The following PDE1C variants were observed in gnomAD, a reference collection of about 807,000 sequenced individuals.
PDE1C encodes the protein phosphodiesterase 1C, also known as dual specificity calcium/calmodulin-dependent 3',5'-cyclic nucleotide phosphodiesterase 1C.
Under a neutral mutation model 93.1 loss-of-function variants are expected in PDE1C, and 62 were observed. The ratio of observed to expected loss-of-function variants is 0.67; its 90% CI spans 0.54 to 0.82. The LOEUF (loss-of-function observed/expected upper bound fraction) is 0.82, where lower values mean the gene tolerates loss of function less well. PDE1C is among the 40% of genes least tolerant of loss of function. The pLI is 0.00. For missense variants in PDE1C, 742 were observed against 884.6 expected, an observed-to-expected ratio of 0.84 and a Z score of 2.04; for synonymous variants, 325 against 310.1, an observed-to-expected ratio of 1.05 and a Z score of -0.50.
Position 32,128,481 on chromosome 7 carries a change from A to AAT in PDE1C, c.308+41302_308+41303dup, listed in dbSNP as rs1208649414. 2.6e-5 allele frequency among the ~76,000 whole-genome samples: 4 copies of AAT among 151,960 alleles called. No individual in the cohort carries two copies. The East Asian group carries it at 7.7e-4, about 29-fold the overall frequency. Reference sequence around the variant, plus strand: ...ATAATTCTTACACTTCAATAAGACAAATATATATTGTTAAGAAACACATAT... The same window carrying AAT: ...ATAATTCTTACACTTCAATAAGACAAATATATATATTGTTAAGAAACACATAT... On this transcript the variant is annotated intron_variant, in intron 3 of 18. Coordinates refer to the PDE1C transcript ENST00000396193.
chr7:32,155,199 T>C (rs1051913463), intron 3 of PDE1C, among the ~76,000 whole-genome samples: 1 of 152,236 alleles, frequency 6.6e-6, no homozygotes, highest in Non-Finnish European at 1.5e-5. Flanking sequence ...AGTGGTTAAC[T>C]GTGGGTTCTG....
intron 1 of PDE1C, among the ~76,000 whole-genome samples, chr7:32,262,276 T>G (rs1810265009): frequency 6.6e-6 from 1 of 152,164 alleles, no homozygotes; most frequent in African/African-American, 2.4e-5. Context: ...GGTAGCTAAG[T>G]CTGTGGCCCC....
intron 9 of PDE1C, among the ~76,000 whole-genome samples, chr7:31,843,982 T>C (rs951533715): frequency 6.6e-6 from 1 of 151,768 alleles, no homozygotes; most frequent in African/African-American, 2.4e-5. Context: ...CATTTAAAAA[T>C]CCTGCAACAG....
chr7:31,669,605 A>C, the PDE1C span, among the ~76,000 whole-genome samples: 11 of 152,216 alleles, frequency 7.2e-5, no homozygotes, highest in Non-Finnish European at 1.5e-4. Flanking sequence ...AACTACATTC[A>C]TCAGTTCTAA....
At chr7:31,697,030 A>G in the PDE1C span, 1 of 1,614,198 alleles carries the variant, frequency 6.2e-7, no homozygotes. Context: ...GGGCAAAATG[A>G]TCCCTGTTCT....
chr7:31,860,375 T>C lies in PDE1C; in HGVS notation c.750+4567A>G, dbSNP rs540547669. ...GCCCCAAACGTCAATAGTGCTGAGG[T>C]TGAGAAACCCTGCTCTACATCCTAA... On this transcript the variant is annotated intron_variant, in intron 7 of 17. Coordinates refer to ENST00000396191, the MANE Select transcript of PDE1C (RefSeq NM_001191057.4). 5.8e-4 allele frequency among the ~76,000 whole-genome samples: 89 copies of C among 152,250 alleles called. 3 individuals are homozygous for C. Among genetic ancestry groups the C allele is most frequent in the African/African-American group, 2.1e-3 (86 of 41,552 alleles).
intron 1 of PDE1C, among the ~76,000 whole-genome samples, chr7:32,280,637 G>T (rs1458659814): frequency 6.6e-6 from 1 of 152,156 alleles, no homozygotes; most frequent in East Asian, 1.9e-4. Context: ...TTATGCTCTT[G>T]ACTACAGCCC....
the PDE1C span, among the ~76,000 whole-genome samples, chr7:31,625,361 T>C: frequency 6.6e-6 from 1 of 151,844 alleles, no homozygotes; most frequent in Non-Finnish European, 1.5e-5. Context: ...AGCAAAGACT[T>C]GGAACCAACC....
chr7:31,854,895 C>T (rs1236058627), intron 7 of PDE1C, among the ~76,000 whole-genome samples: 1 of 151,872 alleles, frequency 6.6e-6, no homozygotes, highest in Admixed American at 6.6e-5. Context: ...TGTGAAACCC[C>T]ATCTCTACTG....
At chr7:31,632,119 A>T in the PDE1C span, among the ~76,000 whole-genome samples, 8 of 152,210 alleles carry the variant, frequency 5.3e-5, no homozygotes, top group Non-Finnish European at 7.3e-5. Context: ...AATGCCATAG[A>T]CAACACAGAT....
chr7:31,755,077 C>T (rs566757721), intron 17 of PDE1C, among the ~76,000 whole-genome samples: 50 of 152,158 alleles, frequency 3.3e-4, no homozygotes, highest in Non-Finnish European at 6.0e-4. Flanking sequence ...TACACAAGCA[C>T]TCTATTCTAG....
At chr7:31,892,901 G>C (rs1798818323) in intron 2 of PDE1C, among the ~76,000 whole-genome samples, 1 of 152,092 alleles carries the variant, frequency 6.6e-6, no homozygotes, top group African/African-American at 2.4e-5. Context: ...ATTGCTAAAA[G>C]GGTAGATTTT....
chr7:32,387,265 T>C (rs1334994594), intron 1 of PDE1C, among the ~76,000 whole-genome samples: 3 of 152,134 alleles, frequency 2.0e-5, no homozygotes, highest in Non-Finnish European at 2.9e-5. Flanking sequence ...AAAGTCTCCA[T>C]GTCTACTTCT....
At chr7:31,688,090 T>C in the PDE1C span, among the ~76,000 whole-genome samples, 1 of 152,260 alleles carries the variant, frequency 6.6e-6, no homozygotes, top group South Asian at 2.1e-4. Flanking sequence ...TAATCACAAA[T>C]GGAGGACTGA....
At chr7:31,931,558 A>G (rs945209986) in intron 2 of PDE1C, among the ~76,000 whole-genome samples, 1 of 152,212 alleles carries the variant, frequency 6.6e-6, no homozygotes, top group Admixed American at 6.5e-5. Flanking sequence ...TTCAAGGAGA[A>G]CTACAAACCA....
At chr7:31,667,444 G>A in the PDE1C span, among the ~76,000 whole-genome samples, 1 of 152,132 alleles carries the variant, frequency 6.6e-6, no homozygotes, top group Admixed American at 6.6e-5. Context: ...GAACAACATA[G>A]TCAGAATATA....
At chr7:32,333,118 C>G (rs1008409372) in intron 1 of PDE1C, among the ~76,000 whole-genome samples, 1 of 152,074 alleles carries the variant, frequency 6.6e-6, no homozygotes, top group East Asian at 1.9e-4. Flanking sequence ...AATAAATAAC[C>G]AAAACCATAG....
At chr7:31,889,901 TATAA>T (rs1188702495) in intron 2 of PDE1C, among the ~76,000 whole-genome samples, 1 of 152,210 alleles carries the variant, frequency 6.6e-6, no homozygotes, top group Non-Finnish European at 1.5e-5. Context: ...TTCTTGGCCT[TATAA>T]ATAAGTGTTT....
upstream of PDE1C, among the ~76,000 whole-genome samples, chr7:32,073,003 A>G (rs1489662790): frequency 6.6e-6 from 1 of 152,234 alleles, no homozygotes; most frequent in Admixed American, 6.5e-5. Flanking sequence ...ATAATGCTGA[A>G]TTCACATTTT....
Sources: allele counts gnomAD v4.1 joint callset (sites outside exome capture counted in the v4.1 genomes callset), GRCh38; gene constraint gnomAD v4.1.1; transcripts MANE v1.5; gene names NCBI Gene and HGNC (gene_info 2026-07-23, HGNC 2026-07-21).